Variants in TOMM5 observed in about 807,000 individuals in gnomAD.
TOMM5 encodes the protein mitochondrial import receptor subunit TOM5 homolog.
Under a neutral mutation model 4.8 loss-of-function variants are expected in TOMM5, and 1 was observed. That is an observed-to-expected ratio of 0.21 (90% CI 0.07 to 0.99). The LOEUF (loss-of-function observed/expected upper bound fraction) is 0.99. Ranked by LOEUF, TOMM5 falls within the 50% of genes least tolerant of loss-of-function variation. The pLI, the probability that TOMM5 is intolerant of heterozygous loss-of-function variation, is 0.60. For missense variants in TOMM5, 60 were observed against 66.6 expected (o/e 0.90, Z 0.35); for synonymous variants, 26 against 26.7 (o/e 0.97, Z 0.08).
At chr9:37,588,972 T>C in intron 1 of TOMM5, 40 bp from the exon 2 acceptor site, 10 of 1,519,368 alleles carry the variant, frequency 6.6e-6, no homozygotes, top group Non-Finnish European at 7.3e-6. Flanking sequence ...TTCAAATCTA[T>C]TAGCCCATAG....
intron 1 of TOMM5, 44 bp from the exon 2 acceptor site, chr9:37,588,976 C>T: frequency 6.8e-7 from 1 of 1,481,398 alleles, no homozygotes; most frequent in Non-Finnish European, 9.4e-7. Context: ...AATCTATTAG[C>T]CCATAGGCTA....
intron 1 of TOMM5, 47 bp downstream of exon 1, chr9:37,592,365 G>A (rs1411278048): frequency 6.8e-6 from 11 of 1,612,680 alleles, no homozygotes; most frequent in Admixed American, 1.7e-5. Flanking sequence ...GGTGCCCGTC[G>A]GTGAGCTCCC....
At chr9:37,590,333 T>A (rs185426516) in intron 1 of TOMM5, among the ~76,000 whole-genome samples, 35 of 152,168 alleles carry the variant, frequency 2.3e-4, no homozygotes, top group African/African-American at 8.4e-4. Flanking sequence ...GAGGTCGAGG[T>A]TGCTGTGAGC....
At position 37,588,684 on chromosome 9, in the gene TOMM5, C is replaced by T. The variant is rs558229225; in HGVS notation, c.*214G>A. 155 of 692,260 alleles carry T rather than the reference C, an allele frequency of 2.2e-4. No individual in the cohort carries two copies. The highest frequency in any genetic ancestry group is 1.1e-3 in the East Asian group (41 of 36,534). The allele number at this position is 692,260 out of a possible 1,614,324, so 42.9% of individuals were successfully genotyped here. A position where few individuals can be genotyped will look rare whatever the true frequency, so the allele number is the denominator to read the frequency against. ...GCCAAACGTCACAGGGATAAGGGTA[C>T]ACCAGATCACGAGACATCGTTTCAT... On this transcript the variant is annotated 3_prime_UTR_variant, in exon 2 of 2. Transcript: ENST00000321301.
rs778489474 is a variant in TOMM5 at position 37,592,424 on chromosome 9, G to A, written c.109C>T (p.Leu37Phe). 5.6e-6 allele frequency: 9 copies of A among 1,614,112 alleles called. No homozygotes were observed. The Admixed American group carries it at 1.5e-4, about 27-fold the overall frequency. The change falls in exon 1 of 2, where the codon CTC (leucine) becomes TTC (phenylalanine). Residue 37 changes from leucine (L) to phenylalanine (F), a missense_variant. Transcript: ENST00000321301. Reference protein sequence around the residue: ...SIRNFLIYVALLRVTPFILKK... With the variant: ...SIRNFLIYVAFLRVTPFILKK... Reference sequence around the variant, plus strand: ...GGGAGACACTCACTGACTCGCAGGAGGGCCACGTAGATGAGAAAGTTCCGT... The same window carrying A: ...GGGAGACACTCACTGACTCGCAGGAAGGCCACGTAGATGAGAAAGTTCCGT...
At chr9:37,591,694 GGA>G (rs1823105048) in intron 1 of TOMM5, among the ~76,000 whole-genome samples, 1 of 87,254 alleles carries the variant, frequency 1.1e-5, no homozygotes, top group South Asian at 4.5e-4. Flanking sequence ...TGTGTATCGA[GGA>G]AAAAAAAAAA....
chr9:37,591,273 A>G (rs766551827), intron 1 of TOMM5, among the ~76,000 whole-genome samples: 10 of 152,208 alleles, frequency 6.6e-5, no homozygotes, highest in Non-Finnish European at 1.5e-4. Flanking sequence ...AAATATTTGC[A>G]TTAATCCTAT....
At chr9:37,591,031 C>T (rs183792122) in intron 1 of TOMM5, among the ~76,000 whole-genome samples, 1 of 152,186 alleles carries the variant, frequency 6.6e-6, no homozygotes, top group East Asian at 1.9e-4. Context: ...GAATTGAGAA[C>T]GAGAAGGCAG....
chr9:37,591,451 G>A (rs1266015677), intron 1 of TOMM5, among the ~76,000 whole-genome samples: 3 of 152,096 alleles, frequency 2.0e-5, no homozygotes, highest in African/African-American at 7.2e-5. Context: ...AGCACTTTGG[G>A]AGGCTGAGGC....
chr9:37,589,769 G>A (rs995475760), intron 1 of TOMM5, among the ~76,000 whole-genome samples: 4 of 151,978 alleles, frequency 2.6e-5, no homozygotes, highest in Non-Finnish European at 5.9e-5. Flanking sequence ...CAATCTGCCC[G>A]CCTCAGCCCC....
Position 37,588,653 on chromosome 9 carries a change from T to C in TOMM5, c.*245A>G. Reference sequence around the variant, plus strand: ...ATTATTTACAATTATACCAGTATTGTCAGAGGCCAAACGTCACAGGGATAA... The same window carrying C: ...ATTATTTACAATTATACCAGTATTGCCAGAGGCCAAACGTCACAGGGATAA... On this transcript the variant is annotated 3_prime_UTR_variant, in exon 2 of 2. Transcript: ENST00000321301. The C allele has an allele frequency of 1.5e-6, 1 of 662,590 alleles. No individual in the cohort carries two copies. Among genetic ancestry groups the C allele is most frequent in the Admixed American group, 2.1e-5 (1 of 47,320 alleles). The allele number at this position is 662,590 out of a possible 1,614,324, so 41.0% of individuals were successfully genotyped here. A position where few individuals can be genotyped will look rare whatever the true frequency, so the allele number is the denominator to read the frequency against.
At chr9:37,592,372 T>A (rs768529904) in intron 1 of TOMM5, 40 bp downstream of exon 1, 1 of 1,612,862 alleles carries the variant, frequency 6.2e-7, no homozygotes, top group African/African-American at 1.3e-5. Context: ...GTCGGTGAGC[T>A]CCCCGCTGGT....
At chr9:37,591,094 C>T (rs952622553) in intron 1 of TOMM5, among the ~76,000 whole-genome samples, 1 of 152,174 alleles carries the variant, frequency 6.6e-6, no homozygotes, top group Admixed American at 6.5e-5. Flanking sequence ...TTCAGTGTTC[C>T]TATAACTCTG....
intron 1 of TOMM5, among the ~76,000 whole-genome samples, chr9:37,591,414 C>G (rs1823098945): frequency 6.6e-6 from 1 of 151,910 alleles, no homozygotes; most frequent in Non-Finnish European, 1.5e-5. Flanking sequence ...GGAAGGAACC[C>G]GGCCGCTGGT....
intron 1 of TOMM5, among the ~76,000 whole-genome samples, 168 bp from the exon 2 acceptor site, chr9:37,589,100 C>T (rs1392470330): frequency 6.6e-6 from 1 of 152,246 alleles, no homozygotes; most frequent in Non-Finnish European, 1.5e-5. Flanking sequence ...CAAAGCAGCC[C>T]ATTCCACTGT....
intron 1 of TOMM5, among the ~76,000 whole-genome samples, chr9:37,590,765 A>C (rs965249037): frequency 6.6e-6 from 1 of 152,216 alleles, no homozygotes; most frequent in Non-Finnish European, 1.5e-5. Flanking sequence ...GAGTTGCAAG[A>C]AGCTGTTGAA....
At position 37,592,549 on chromosome 9, in the gene TOMM5, C is replaced by T. The variant is rs760037522; in HGVS notation, c.-17G>A. ...CCGGAACATCGCGGCTCTGACTTAG[C>T]AGCTTCCAGCCGCCGCGCTCTGCTC... On this transcript the variant is annotated 5_prime_UTR_variant, in exon 1 of 2. Transcript: ENST00000321301. 3.1e-6 allele frequency: 5 copies of T among 1,607,252 alleles called. No homozygotes were observed. The highest frequency in any genetic ancestry group is 4.3e-6 in the Non-Finnish European group (5 of 1,176,032).
chr9:37,588,671 A>G lies in TOMM5; in HGVS notation c.*227T>C, dbSNP rs565894973. On this transcript the variant is annotated 3_prime_UTR_variant, in exon 2 of 2. Coordinates refer to ENST00000321301, the MANE Select transcript of TOMM5 (RefSeq NM_001001790.3). ...AGTATTGTCAGAGGCCAAACGTCAC[A>G]GGGATAAGGGTACACCAGATCACGA... The G allele has an allele frequency of 1.2e-4, 83 of 680,468 alleles. 2 individuals carry two copies. The highest frequency in any genetic ancestry group is 1.2e-3 in the South Asian group (80 of 65,660). 42.2% of individuals were successfully genotyped at this position (680,468 alleles called of 1,614,324 possible).
intron 1 of TOMM5, among the ~76,000 whole-genome samples, chr9:37,591,848 T>C (rs1218752866): frequency 6.6e-6 from 1 of 152,194 alleles, no homozygotes; most frequent in Non-Finnish European, 1.5e-5. Context: ...ACTATGGTTC[T>C]GTTTCTCTGT....
Sources: allele counts gnomAD v4.1 joint callset (sites outside exome capture counted in the v4.1 genomes callset), GRCh38; gene constraint gnomAD v4.1.1; transcripts MANE v1.5; gene names NCBI Gene and HGNC (gene_info 2026-07-23, HGNC 2026-07-21).